VGLL4: variants seen among roughly 807,000 people sequenced by gnomAD.
VGLL4 encodes transcription cofactor vestigial-like protein 4.
In VGLL4, 7 loss-of-function variants were observed where a neutral mutation model predicts 21.0. That is an observed-to-expected ratio of 0.33 (90% CI 0.19 to 0.63). The LOEUF is 0.63. VGLL4 is among the 20% of genes least tolerant of loss of function. The pLI is 0.78. For synonymous variants in VGLL4, 222 were observed against 173.2 expected (o/e 1.28, Z -2.21); for missense variants, 394 against 425.7 (o/e 0.93, Z 0.66).
chr3:11,661,817 C>T (rs1323760371), intron 2 of VGLL4, among the ~76,000 whole-genome samples: 2 of 152,102 alleles, frequency 1.3e-5, no homozygotes, highest in Non-Finnish European at 2.9e-5. Flanking sequence ...GGCATAGCCT[C>T]CCTGAAACAG....
At chr3:11,573,857 C>T (rs558312545) in intron 2 of VGLL4, among the ~76,000 whole-genome samples, 20 of 152,256 alleles carry the variant, frequency 1.3e-4, no homozygotes, top group Non-Finnish European at 1.9e-4. Context: ...GGGTCTTTAC[C>T]GAAGACCAAG....
intron 1 of VGLL4, among the ~76,000 whole-genome samples, chr3:11,630,454 G>A (rs1575472812): frequency 1.3e-5 from 2 of 152,122 alleles, no homozygotes; most frequent in Non-Finnish European, 2.9e-5. Context: ...AAACCAGCCT[G>A]TCCAACATGG....
At chr3:11,672,425 T>A (rs1459035198) in intron 2 of VGLL4, among the ~76,000 whole-genome samples, 1 of 152,194 alleles carries the variant, frequency 6.6e-6, no homozygotes, top group South Asian at 2.1e-4. Context: ...TATTTTCTTA[T>A]GTTTAAAAAT....
At chr3:11,560,348 A>C (rs1302166978) in intron 3 of VGLL4, among the ~76,000 whole-genome samples, 1 of 152,212 alleles carries the variant, frequency 6.6e-6, no homozygotes, top group South Asian at 2.1e-4. Context: ...GTATCTTCCA[A>C]TACCCCCGAG....
At chr3:11,695,708 G>A (rs1358379668) in intron 2 of VGLL4, among the ~76,000 whole-genome samples, 1 of 152,062 alleles carries the variant, frequency 6.6e-6, no homozygotes, top group African/African-American at 2.4e-5. Context: ...ATGCACCTGG[G>A]AAGGCTTTGT....
At chr3:11,645,809 T>A (rs1277142524), upstream of VGLL4, among the ~76,000 whole-genome samples, 1 of 150,974 alleles carries the variant, frequency 6.6e-6, no homozygotes, top group Non-Finnish European at 1.5e-5. Context: ...CTGTCTCTAC[T>A]AAAAATACAA....
chr3:11,574,706 T>A (rs944945571), intron 2 of VGLL4, among the ~76,000 whole-genome samples: 10 of 151,936 alleles, frequency 6.6e-5, no homozygotes, highest in Admixed American at 3.3e-4. Flanking sequence ...CACCCTGAGC[T>A]CATCACTCTA....
intron 2 of VGLL4, among the ~76,000 whole-genome samples, chr3:11,681,253 A>G (rs1043577342): frequency 2.0e-5 from 3 of 152,026 alleles, no homozygotes; most frequent in African/African-American, 7.2e-5. Context: ...GCCCGCCACC[A>G]CGCCCGGCTA....
chr3:11,582,430 G>T, intron 2 of VGLL4: 1 of 1,490,374 alleles, frequency 6.7e-7, no homozygotes, highest in Non-Finnish European at 9.0e-7. Flanking sequence ...TCCCTGAAAG[G>T]AGGGTTGCGA....
At chr3:11,605,281 G>A (rs1326899851) in intron 1 of VGLL4, among the ~76,000 whole-genome samples, 15 of 47,650 alleles carry the variant, frequency 3.1e-4, no homozygotes, top group African/African-American at 1.9e-3. Context: ...CTTCCAAAGC[G>A]CCCCCACGCC....
chr3:11,593,827 G>A (rs1172243767), intron 2 of VGLL4, among the ~76,000 whole-genome samples: 1 of 152,200 alleles, frequency 6.6e-6, no homozygotes, highest in Non-Finnish European at 1.5e-5. Flanking sequence ...CCCCATCAGC[G>A]AGGGGAGGCT....
chr3:11,603,626 C>T (rs939955421), intron 1 of VGLL4, among the ~76,000 whole-genome samples: 2 of 152,112 alleles, frequency 1.3e-5, no homozygotes, highest in Non-Finnish European at 2.9e-5. Context: ...CCTGATGATA[C>T]CCCCAGGAAC....
At chr3:11,578,748 C>CTTTTTTTTTTTTT (rs71044228) in intron 2 of VGLL4, among the ~76,000 whole-genome samples, 4 of 104,696 alleles carry the variant, frequency 3.8e-5, no homozygotes, top group Non-Finnish European at 5.3e-5. Context: ...TGTATATTTT[C>CTTTTTTTTTTTTT]TTTTTTTTTT....
chr3:11,625,257 T>C (rs2075330684), intron 1 of VGLL4, among the ~76,000 whole-genome samples: 1 of 152,242 alleles, frequency 6.6e-6, no homozygotes, highest in Admixed American at 6.5e-5. Flanking sequence ...TCTCTGGCAG[T>C]CCACTTCTTT....
chr3:11,715,967 C>G (rs2076913374), intron 1 of VGLL4, among the ~76,000 whole-genome samples: 1 of 152,090 alleles, frequency 6.6e-6, no homozygotes, highest in Non-Finnish European at 1.5e-5. Flanking sequence ...CATTTTAGCA[C>G]CATACTTACG....
chr3:11,644,872 A>G (rs550710708), upstream of VGLL4, among the ~76,000 whole-genome samples: 27 of 151,994 alleles, frequency 1.8e-4, no homozygotes, highest in East Asian at 1.7e-3. Context: ...AAGAAAAGAA[A>G]AAAAGGAGAC....
chr3:11,574,759 T>C (rs1165292092), intron 2 of VGLL4, among the ~76,000 whole-genome samples: 1 of 151,284 alleles, frequency 6.6e-6, no homozygotes, highest in African/African-American at 2.4e-5. Context: ...CATGAATATG[T>C]ACAATTACTG....
intron 2 of VGLL4, among the ~76,000 whole-genome samples, chr3:11,660,972 G>A (rs2076028781): frequency 6.6e-6 from 1 of 152,162 alleles, no homozygotes; most frequent in East Asian, 1.9e-4. Context: ...AGCCCATGAT[G>A]CATTTCAGTG....
chr3:11,655,558 G>C (rs577283308), intron 2 of VGLL4, among the ~76,000 whole-genome samples: 1 of 152,326 alleles, frequency 6.6e-6, no homozygotes, highest in East Asian at 1.9e-4. Context: ...ACACCCAGTA[G>C]CTGGAATAGG....
Sources: gnomAD v4.1 joint callset for allele counts (sites outside exome capture counted in the v4.1 genomes callset) on GRCh38, gnomAD v4.1.1 for gene constraint, MANE v1.5 for transcripts, NCBI Gene and HGNC (gene_info 2026-07-23, HGNC 2026-07-21) for gene names.